Variants in SLC25A21 observed in about 807,000 individuals in gnomAD.
SLC25A21 encodes mitochondrial 2-oxodicarboxylate carrier.
Under a neutral mutation model 43.8 loss-of-function variants are expected in SLC25A21, and 47 were observed. The observed-to-expected ratio is 1.07, with a 90% CI of 0.85 to 1.37. The LOEUF (loss-of-function observed/expected upper bound fraction) is 1.37. SLC25A21 is among the 40% of genes most tolerant of loss of function. The pLI is 0.00. For missense variants in SLC25A21, 352 were observed against 350.2 expected (o/e 1.00, Z -0.04); for synonymous variants, 131 against 121.3 (o/e 1.08, Z -0.52).
At chr14:37,117,672 G>T (rs1963129796) in intron 1 of SLC25A21, among the ~76,000 whole-genome samples, 1 of 152,108 alleles carries the variant, frequency 6.6e-6, no homozygotes. Context: ...CCCAAGAGAT[G>T]AAACTGATAC....
intron 1 of SLC25A21, among the ~76,000 whole-genome samples, chr14:37,058,184 C>G (rs1269950650): frequency 1.3e-5 from 2 of 152,182 alleles, no homozygotes. Flanking sequence ...TCATACAATT[C>G]AATGTAATCT....
intron 1 of SLC25A21, among the ~76,000 whole-genome samples, chr14:36,988,843 T>C (rs753151659): frequency 3.3e-5 from 5 of 152,192 alleles, no homozygotes; most frequent in Non-Finnish European, 7.3e-5. Context: ...ACACTCTTGA[T>C]TTATGGATTA....
chr14:36,923,768 T>G (rs113005823), intron 1 of SLC25A21, among the ~76,000 whole-genome samples: 1,752 of 152,124 alleles, frequency 0.012, 39 homozygotes, highest in African/African-American at 0.039. Context: ...ATACAAAAAT[T>G]TTCTTCCATT....
At chr14:36,757,142 C>A (rs146670374) in intron 3 of SLC25A21, among the ~76,000 whole-genome samples, 1 of 151,584 alleles carries the variant, frequency 6.6e-6, no homozygotes, top group African/African-American at 2.4e-5. Flanking sequence ...CCTGTAGTCC[C>A]AGTTACTCCA....
intron 1 of SLC25A21, among the ~76,000 whole-genome samples, chr14:37,126,486 T>C (rs1444583430): frequency 1.3e-5 from 2 of 151,816 alleles, no homozygotes; most frequent in African/African-American, 4.8e-5. Flanking sequence ...TTTGTGATAC[T>C]AGATAAACAT....
intron 1 of SLC25A21, among the ~76,000 whole-genome samples, chr14:36,968,195 G>A (rs1205921772): frequency 4.6e-5 from 7 of 152,160 alleles, no homozygotes; most frequent in Non-Finnish European, 8.8e-5. Flanking sequence ...TTCTGAAAGC[G>A]AAAAAGATCA....
At chr14:36,789,863 A>T (rs1426813056) in intron 3 of SLC25A21, among the ~76,000 whole-genome samples, 32 of 83,118 alleles carry the variant, frequency 3.8e-4, no homozygotes, top group Admixed American at 1.2e-3. Flanking sequence ...ATATTTATAT[A>T]AAAATATATT....
chr14:36,996,115 T>C (rs72667357), intron 1 of SLC25A21, among the ~76,000 whole-genome samples: 13,094 of 152,170 alleles, frequency 0.086, 602 homozygotes, highest in African/African-American at 0.12. Flanking sequence ...ACCATGACCA[T>C]AGCTGGCTCC....
At chr14:37,134,097 T>C (rs1034088941) in intron 1 of SLC25A21, among the ~76,000 whole-genome samples, 13 of 152,104 alleles carry the variant, frequency 8.5e-5, no homozygotes, top group Non-Finnish European at 8.8e-5. Context: ...CTATAAACTA[T>C]GAAAATAATG....
chr14:37,165,553 G>T (rs1964016416), intron 1 of SLC25A21, among the ~76,000 whole-genome samples: 1 of 152,164 alleles, frequency 6.6e-6, no homozygotes, highest in Non-Finnish European at 1.5e-5. Flanking sequence ...TGGGGAATAT[G>T]AGTAAAAGAT....
chr14:37,099,911 ATTAAAT>A (rs1418079082), intron 1 of SLC25A21, among the ~76,000 whole-genome samples: 1 of 152,160 alleles, frequency 6.6e-6, no homozygotes, highest in Non-Finnish European at 1.5e-5. Flanking sequence ...TATATTTAAA[ATTAAAT>A]TTAAACAAAT....
In SLC25A21 at chr14:37,070,534, C is replaced by A. The variant is rs115789353; in HGVS notation, c.70+101747G>T. On this transcript the variant is annotated intron_variant, in intron 1 of 9. Transcript: ENST00000331299. ...GTCTTCTTCCTTTGTCAATAGCCCC[C>A]CCTTTTGATGCTACACTCAGAAAAA... Among the ~76,000 whole-genome samples the A allele has an allele frequency of 2.0e-3, 306 of 152,142 alleles. 5 individuals are homozygous for A. Among genetic ancestry groups the A allele is most frequent in the African/African-American group, 7.1e-3 (294 of 41,504 alleles).
At chr14:36,794,767 TA>T (rs564868791) in intron 3 of SLC25A21, among the ~76,000 whole-genome samples, 2,363 of 141,298 alleles carry the variant, frequency 0.017, 13 homozygotes, top group Non-Finnish European at 0.02. Flanking sequence ...AGACTCCATT[TA>T]AAAAAAAAAA....
intron 1 of SLC25A21, among the ~76,000 whole-genome samples, chr14:37,097,630 C>T (rs1036860105): frequency 1.3e-5 from 2 of 152,026 alleles, no homozygotes; most frequent in East Asian, 1.9e-4. Context: ...CACCTGTAAT[C>T]CCGGCACTTT....
At chr14:36,948,815 T>C (rs1357727672) in intron 1 of SLC25A21, among the ~76,000 whole-genome samples, 2 of 152,112 alleles carry the variant, frequency 1.3e-5, no homozygotes, top group Non-Finnish European at 2.9e-5. Context: ...AATTAAATAT[T>C]ATGTTAATAT....
At chr14:36,950,854 C>G (rs1286796664) in intron 1 of SLC25A21, among the ~76,000 whole-genome samples, 2 of 152,186 alleles carry the variant, frequency 1.3e-5, no homozygotes, top group Admixed American at 6.5e-5. Context: ...TTGCAAATAC[C>G]TAGCTGAAGA....
intron 1 of SLC25A21, among the ~76,000 whole-genome samples, chr14:36,880,706 C>T (rs758020799): frequency 6.6e-6 from 1 of 152,072 alleles, no homozygotes; most frequent in Non-Finnish European, 1.5e-5. Flanking sequence ...TTAGTTTGAA[C>T]CTTATATAAA....
chr14:36,758,931 G>C (rs189498529), intron 3 of SLC25A21, among the ~76,000 whole-genome samples: 2 of 152,284 alleles, frequency 1.3e-5, no homozygotes, highest in East Asian at 3.9e-4. Flanking sequence ...CTTTGCTTCT[G>C]GAACGTGCAT....
intron 1 of SLC25A21, among the ~76,000 whole-genome samples, chr14:37,050,872 CA>C (rs1056358606): frequency 2.6e-5 from 4 of 151,892 alleles, no homozygotes; most frequent in African/African-American, 7.2e-5. Flanking sequence ...CTAACAACAA[CA>C]AAAAAAAGCA....
Sources: allele counts gnomAD v4.1 joint callset (sites outside exome capture counted in the v4.1 genomes callset), GRCh38; gene constraint gnomAD v4.1.1; transcripts MANE v1.5; gene names NCBI Gene and HGNC (gene_info 2026-07-23, HGNC 2026-07-21).